Variants in SLC36A1 observed in about 807,000 individuals in gnomAD.
SLC36A1 encodes the protein proton-coupled amino acid transporter 1.
In SLC36A1, 30 loss-of-function variants were observed where a neutral mutation model predicts 47.5. The observed-to-expected ratio is 0.63, with a 90% CI of 0.47 to 0.86. SLC36A1 has a LOEUF of 0.86. Ranked by LOEUF, SLC36A1 falls within the 40% of genes least tolerant of loss-of-function variation. The pLI is 0.00. For synonymous variants in SLC36A1, 255 were observed against 249.7 expected, an observed-to-expected ratio of 1.02 and a Z score of -0.20; for missense variants, 517 against 606.0, an observed-to-expected ratio of 0.85 and a Z score of 1.54.
At chr5:151,542,856 G>T in the SLC36A1 span, 1 of 1,614,188 alleles carries the variant, frequency 6.2e-7, no homozygotes, top group South Asian at 1.1e-5. Flanking sequence ...TGGTGGATTC[G>T]TGGTCCATGG....
At chr5:151,472,849 T>C (rs1378423234) in intron 7 of SLC36A1, among the ~76,000 whole-genome samples, 5 of 152,238 alleles carry the variant, frequency 3.3e-5, no homozygotes, top group African/African-American at 1.2e-4. Context: ...ATGTTCTACT[T>C]AGTTATCTCA....
the SLC36A1 span, among the ~76,000 whole-genome samples, chr5:151,398,519 A>G: frequency 1.3e-5 from 2 of 152,210 alleles, no homozygotes; most frequent in Admixed American, 6.5e-5. Flanking sequence ...TGGAACCAGA[A>G]CTGAAGAAAC....
At chr5:151,367,332 G>A in the SLC36A1 span, among the ~76,000 whole-genome samples, 6 of 139,588 alleles carry the variant, frequency 4.3e-5, no homozygotes, top group East Asian at 9.8e-4. Flanking sequence ...TCCCAGAGCG[G>A]CCATTTATAG....
At chr5:151,479,779 C>T (rs1758568840) in intron 10 of SLC36A1, 3 of 523,536 alleles carry the variant, frequency 5.7e-6, no homozygotes, top group African/African-American at 3.8e-5. Flanking sequence ...CGATTACTAT[C>T]CCATATTAAA....
chr5:151,463,511 A>G (rs1353358959), intron 2 of SLC36A1, 42 bp from the exon 3 acceptor site: 1 of 1,408,052 alleles, frequency 7.1e-7, no homozygotes, highest in East Asian at 2.3e-5. Context: ...AATAAAAGTT[A>G]ACTGTCATGG....
the SLC36A1 span, among the ~76,000 whole-genome samples, chr5:151,393,655 C>A: frequency 6.6e-6 from 1 of 152,096 alleles, no homozygotes; most frequent in Admixed American, 6.6e-5. Flanking sequence ...TTCTCCTTCA[C>A]TTATGAAGCT....
At chr5:151,479,831 G>C (rs1284418903) in intron 10 of SLC36A1, 1 of 529,076 alleles carries the variant, frequency 1.9e-6, no homozygotes, top group Non-Finnish European at 3.3e-6. Flanking sequence ...TATCTGTAAT[G>C]AGTATAAGTT....
At chr5:151,411,300 C>T in the SLC36A1 span, among the ~76,000 whole-genome samples, 14 of 144,756 alleles carry the variant, frequency 9.7e-5, 2 homozygotes, top group South Asian at 2.6e-4. Context: ...TGGATACCTA[C>T]GGGATGATCT....
At chr5:151,544,961 C>G in the SLC36A1 span, 2 of 1,614,122 alleles carry the variant, frequency 1.2e-6, no homozygotes, top group Non-Finnish European at 1.7e-6. Context: ...GAGACTCTGA[C>G]CAAACCCTGA....
chr5:151,419,883 G>A, the SLC36A1 span: 3 of 152,300 alleles, frequency 2.0e-5, no homozygotes, highest in Non-Finnish European at 2.9e-5. Context: ...GCAAGGAGAG[G>A]ACAAGATACC....
chr5:151,510,087 C>T, the SLC36A1 span: 15 of 1,614,052 alleles, frequency 9.3e-6, no homozygotes, highest in Non-Finnish European at 1.2e-5. Flanking sequence ...GCAAGTTCCA[C>T]CTTCCAGGCA....
At chr5:151,551,197 TC>T in the SLC36A1 span, among the ~76,000 whole-genome samples, 1 of 152,064 alleles carries the variant, frequency 6.6e-6, no homozygotes, top group Non-Finnish European at 1.5e-5. Flanking sequence ...CCAACCATCA[TC>T]CCCCTATACC....
the SLC36A1 span, among the ~76,000 whole-genome samples, chr5:151,417,185 G>GA: frequency 6.6e-6 from 1 of 152,214 alleles, no homozygotes; most frequent in Non-Finnish European, 1.5e-5. Flanking sequence ...AAAGATACTT[G>GA]AAAATGTGGA....
intron 7 of SLC36A1, 148 bp downstream of exon 7, chr5:151,468,073 T>G (rs546574644): frequency 1.6e-6 from 1 of 623,842 alleles, no homozygotes; most frequent in East Asian, 3.0e-5. Context: ...CTGGCCGTCA[T>G]GGTGAAACCT....
At chr5:151,505,531 G>A in the SLC36A1 span, 2 of 1,612,438 alleles carry the variant, frequency 1.2e-6, no homozygotes, top group East Asian at 4.5e-5. Context: ...TCCAGTCCTT[G>A]GCCTCCCGCC....
At chr5:151,378,122 A>G in the SLC36A1 span, 1 of 343,522 alleles carries the variant, frequency 2.9e-6, no homozygotes, top group South Asian at 3.4e-5. Context: ...TGGTACAAAC[A>G]TTGATGTCTC....
the SLC36A1 span, among the ~76,000 whole-genome samples, chr5:151,522,736 G>A: frequency 6.6e-6 from 1 of 152,186 alleles, no homozygotes; most frequent in Non-Finnish European, 1.5e-5. Context: ...AAGAAGAGGC[G>A]ACAGACAGAG....
the SLC36A1 span, among the ~76,000 whole-genome samples, chr5:151,529,591 T>A: frequency 6.6e-6 from 1 of 152,222 alleles, no homozygotes; most frequent in Non-Finnish European, 1.5e-5. Context: ...TTCTTTATTA[T>A]TATTCACAAC....
At chr5:151,542,683 G>A in the SLC36A1 span, 13 of 1,614,202 alleles carry the variant, frequency 8.1e-6, no homozygotes, top group Non-Finnish European at 9.3e-6. Flanking sequence ...TTGAATGACT[G>A]AGGTCCCCAC....
Sources: gnomAD v4.1 joint callset for allele counts (sites outside exome capture counted in the v4.1 genomes callset) on GRCh38, gnomAD v4.1.1 for gene constraint, MANE v1.5 for transcripts, NCBI Gene and HGNC (gene_info 2026-07-23, HGNC 2026-07-21) for gene names.